TENT5C: variants seen among roughly 807,000 people sequenced by gnomAD.
The protein encoded by TENT5C is family with sequence similarity 46 member C.
A neutral mutation model predicts 22.2 loss-of-function variants in TENT5C; 5 were observed. The ratio of observed to expected loss-of-function variants is 0.22; its 90% CI spans 0.12 to 0.47. The LOEUF (loss-of-function observed/expected upper bound fraction) is 0.47. Ranked by LOEUF, TENT5C falls within the 20% of genes least tolerant of loss-of-function variation. TENT5C has a pLI of 0.99. For missense variants in TENT5C, 364 were observed against 500.9 expected (o/e 0.73, Z 2.61); for synonymous variants, 199 against 195.4 (o/e 1.02, Z -0.15).
At position 117,623,406 on chromosome 1, in the gene TENT5C, A is replaced by G. The variant is rs1431680747; in HGVS notation, c.538A>G (p.Ser180Gly). Residue 180 changes from serine to glycine, a missense_variant, in exon 2 of 2, where the codon AGT (serine) becomes GGT (glycine). By Grantham distance (56) the Ser-to-Gly change is moderately conservative (BLOSUM62 0). Transcript: ENST00000369448. ...CTCCATTCGGCGTCAGTTTGAGTTC[A>G]GTGTGGACTCTTTCCAAATCATCCT... is the stretch of plus-strand genomic sequence containing the variant. Reference protein sequence around the residue: ...VDSIRRQFEFSVDSFQIILDS... With the variant: ...VDSIRRQFEFGVDSFQIILDS... 1 of 1,614,056 alleles carries G rather than the reference A, an allele frequency of 6.2e-7. No homozygotes were observed. Among genetic ancestry groups the G allele is most frequent in the East Asian group, 2.2e-5 (1 of 44,888 alleles).
Position 117,624,649 on chromosome 1 carries a change from G to T in TENT5C, c.*605G>T. 4.0e-6 allele frequency: 1 copy of T among 248,382 alleles called. No individual in the cohort carries two copies. Among genetic ancestry groups the T allele is most frequent in the South Asian group, 1.8e-4 (1 of 5,542 alleles). The allele number at this position is 248,382 out of a possible 1,614,324, so 15.4% of individuals were successfully genotyped here. A position where few individuals can be genotyped will look rare whatever the true frequency, so the allele number is the denominator to read the frequency against. ...CAATAAACCAAAGCCAATAGCTGGA[G>T]AATTGAGATCTGGTTGAAAGTGGTT... On this transcript the variant is annotated 3_prime_UTR_variant, in exon 2 of 2. Coordinates refer to ENST00000369448, the MANE Select transcript of TENT5C (RefSeq NM_017709.4).
At chr1:117,612,166 GTCTCTT>G (rs1653682422) in intron 1 of TENT5C, among the ~76,000 whole-genome samples, 2 of 152,178 alleles carry the variant, frequency 1.3e-5, no homozygotes, top group Non-Finnish European at 2.9e-5. Context: ...AGGGATCTTT[GTCTCTT>G]TCTTCCCAGT....
rs2101080440 is a variant in TENT5C at position 117,623,879 on chromosome 1, C to T, written c.1011C>T (p.Ala337=). The T allele has an allele frequency of 6.2e-7, 1 of 1,614,188 alleles. No individual in the cohort carries two copies. Among genetic ancestry groups the T allele is most frequent in the Non-Finnish European group, 8.5e-7 (1 of 1,180,034 alleles). The change falls in exon 2 of 2, where the codon GCC becomes GCT. Residue 337 remains alanine, a synonymous_variant. Coordinates refer to ENST00000369448, the MANE Select transcript of TENT5C (RefSeq NM_017709.4). ...CTCTGAACCTCATCTCCCTCCTGGC[C>T]TTGCGTGTGCTGGCGGAACAAAACA... ...RQTLNLISLL[A]LRVLAEQNII...
At position 117,623,144 on chromosome 1, in the gene TENT5C, C is replaced by T; in HGVS notation, c.276C>T (p.Asp92=). ...ATGGCTTGGGCTGCAAAGACCTGGA[C>T]CTAATCTTCCATGTGGCTCTTCCAA... The part of the protein sequence containing the change: ...KDNGLGCKDL[D]LIFHVALPTE... Residue 92 remains aspartate, a synonymous_variant, in exon 2 of 2, where the codon GAC becomes GAT. Coordinates refer to ENST00000369448, the MANE Select transcript of TENT5C (RefSeq NM_017709.4). The T allele has an allele frequency of 6.2e-7, 1 of 1,614,172 alleles. No homozygotes were observed. Among genetic ancestry groups the T allele is most frequent in the Non-Finnish European group, 8.5e-7 (1 of 1,180,040 alleles).
intron 1 of TENT5C, among the ~76,000 whole-genome samples, chr1:117,614,579 CTG>C (rs1653741273): frequency 6.6e-6 from 1 of 152,198 alleles, no homozygotes; most frequent in South Asian, 2.1e-4. Flanking sequence ...AGCCATTTCT[CTG>C]TAGCTCCAGT....
At position 117,626,826 on chromosome 1, in the gene TENT5C, T is replaced by C. The variant is rs1016883302; in HGVS notation, c.*2782T>C. Reference sequence around the variant, plus strand: ...TGTTTCGGGACTCTGATTTGACTCTTTTTCTGATGCTTTCGGCATGTCTGC... The same window carrying C: ...TGTTTCGGGACTCTGATTTGACTCTCTTTCTGATGCTTTCGGCATGTCTGC... On this transcript the variant is annotated 3_prime_UTR_variant, in exon 2 of 2. Transcript: ENST00000369448. The C allele has an allele frequency of 4.0e-6, 1 of 247,080 alleles. No individual in the cohort carries two copies. Among genetic ancestry groups the C allele is most frequent in the Admixed American group, 5.7e-5 (1 of 17,682 alleles). 15.3% of individuals were successfully genotyped at this position (247,080 alleles called of 1,614,324 possible).
rs1654036909 is a variant in TENT5C at position 117,627,498 on chromosome 1, A to G, written c.*3454A>G. 1 of 247,982 alleles carries G rather than the reference A, an allele frequency of 4.0e-6. No individual in the cohort carries two copies. Among genetic ancestry groups the G allele is most frequent in the Admixed American group, 5.6e-5 (1 of 17,784 alleles). 15.4% of individuals were successfully genotyped at this position (247,982 alleles called of 1,614,324 possible). A position where few individuals can be genotyped will look rare whatever the true frequency, so the allele number is the denominator to read the frequency against. On this transcript the variant is annotated 3_prime_UTR_variant, in exon 2 of 2. Coordinates refer to ENST00000369448, the MANE Select transcript of TENT5C (RefSeq NM_017709.4). ...GGATACAGCTATATTCTTAGCTCAAATGTCCTCTTTTTGAGAGCAAAGTAG... is the reference window on the plus strand; with the variant it reads ...GGATACAGCTATATTCTTAGCTCAAGTGTCCTCTTTTTGAGAGCAAAGTAG...
intron 1 of TENT5C, among the ~76,000 whole-genome samples, chr1:117,607,426 G>A (rs3767805): frequency 0.052 from 7,913 of 152,290 alleles, 306 homozygotes; most frequent in East Asian, 0.17. Context: ...TGCACTTATA[G>A]TAAGAAAGCT....
chr1:117,618,529 G>A (rs938811823), intron 1 of TENT5C, among the ~76,000 whole-genome samples: 4 of 151,886 alleles, frequency 2.6e-5, no homozygotes, highest in Admixed American at 6.5e-5. Flanking sequence ...CATCTTGGAG[G>A]TGAAGCTTCC....
chr1:117,611,036 G>A (rs1032339114), intron 1 of TENT5C, among the ~76,000 whole-genome samples: 2 of 152,196 alleles, frequency 1.3e-5, no homozygotes, highest in Admixed American at 6.5e-5. Context: ...TATGAAGATA[G>A]AAGAGGTAAC....
intron 1 of TENT5C, among the ~76,000 whole-genome samples, chr1:117,610,963 T>C (rs531445427): frequency 1.3e-5 from 2 of 152,326 alleles, no homozygotes; most frequent in South Asian, 4.1e-4. Flanking sequence ...AAATTATCCA[T>C]GAAACTGCAA....
chr1:117,618,240 G>A (rs1187337246), intron 1 of TENT5C, among the ~76,000 whole-genome samples: 2 of 152,150 alleles, frequency 1.3e-5, no homozygotes, highest in Non-Finnish European at 2.9e-5. Context: ...TAAAGTTTTT[G>A]CAGCTGTAGC....
intron 1 of TENT5C, among the ~76,000 whole-genome samples, chr1:117,617,399 C>G (rs1653811294): frequency 6.8e-6 from 1 of 148,108 alleles, no homozygotes; most frequent in East Asian, 1.9e-4. Flanking sequence ...TTTTTTTTCC[C>G]TTCAGTGTGT....
rs1654041304 is a variant in TENT5C, at chr1:117,627,755, C to T, written c.*3711C>T. The T allele has an allele frequency of 8.1e-6, 2 of 247,286 alleles. No homozygotes were observed. The highest frequency in any genetic ancestry group is 1.8e-4 in the South Asian group (1 of 5,480). 15.3% of individuals were successfully genotyped at this position (247,286 alleles called of 1,614,324 possible). ...AGGACCAAGTCGTGGGGGAGGGGGG[C>T]GGTGTTGAGGAGAGGTATTTTTAAA... On this transcript the variant is annotated 3_prime_UTR_variant, in exon 2 of 2. Coordinates refer to ENST00000369448, the MANE Select transcript of TENT5C (RefSeq NM_017709.4).
rs138846269 is a variant in TENT5C, at chr1:117,625,704, A to G, written c.*1660A>G. 2.5e-4 allele frequency: 63 copies of G among 248,142 alleles called. No homozygotes were observed. The highest frequency in any genetic ancestry group is 4.7e-4 in the Non-Finnish European group (56 of 118,122). 15.4% of individuals were successfully genotyped at this position (248,142 alleles called of 1,614,324 possible). ...AAGCAGTGAAGTTATCCTAATGCAA[A>G]AGAGCTTAGTAGAAAATGAGTGGTT... On this transcript the variant is annotated 3_prime_UTR_variant, in exon 2 of 2. Transcript: ENST00000369448.
chr1:117,613,712 A>G (rs960644588), intron 1 of TENT5C, among the ~76,000 whole-genome samples: 2 of 152,228 alleles, frequency 1.3e-5, no homozygotes, highest in Non-Finnish European at 2.9e-5. Flanking sequence ...TCTAGTAAAC[A>G]TCATTGGTAA....
At position 117,625,330 on chromosome 1, in the gene TENT5C, A is replaced by G. The variant is rs1263568008; in HGVS notation, c.*1286A>G. 2 of 248,046 alleles carry G rather than the reference A, an allele frequency of 8.1e-6. No individual in the cohort carries two copies. 15.4% of individuals were successfully genotyped at this position (248,046 alleles called of 1,614,324 possible). A position where few individuals can be genotyped will look rare whatever the true frequency, so the allele number is the denominator to read the frequency against. Reference sequence around the variant, plus strand: ...TGAAATCATTCCAGTATATTTGGGAAGAATTGAGTGAATGAGAATGCTCTT... The same window carrying G: ...TGAAATCATTCCAGTATATTTGGGAGGAATTGAGTGAATGAGAATGCTCTT... On this transcript the variant is annotated 3_prime_UTR_variant, in exon 2 of 2. Coordinates refer to ENST00000369448, the MANE Select transcript of TENT5C (RefSeq NM_017709.4).
Position 117,623,513 on chromosome 1 carries a change from G to A in TENT5C, c.645G>A (p.Met215Ile). ...ACCCCACCGTGATTGGGGAGAGCAT[G>A]TACGGGGACTTTGAGGAAGCTTTTG... The part of the protein sequence containing the change: ...HFHPTVIGES[M>I]YGDFEEAFDH... Residue 215 changes from methionine to isoleucine, a missense_variant, in exon 2 of 2, where the codon ATG (methionine) becomes ATA (isoleucine). By Grantham distance (10) the Met-to-Ile change is conservative (BLOSUM62 1). This residue lies in a region of TENT5C where 303 missense variants were observed against 394.5 expected (regional missense o/e 0.77). Transcript: ENST00000369448. 1 of 1,614,062 alleles carries A rather than the reference G, an allele frequency of 6.2e-7. No homozygotes were observed. The highest frequency in any genetic ancestry group is 8.5e-7 in the Non-Finnish European group (1 of 1,180,016).
At chr1:117,611,453 C>T (rs1653669908) in intron 1 of TENT5C, among the ~76,000 whole-genome samples, 1 of 152,210 alleles carries the variant, frequency 6.6e-6, no homozygotes, top group Non-Finnish European at 1.5e-5. Context: ...TCAGCTTCTT[C>T]ATTATAATAA....
Sources: gnomAD v4.1 joint callset for allele counts (sites outside exome capture counted in the v4.1 genomes callset) on GRCh38, gnomAD v4.1.1 for gene constraint, gnomAD v4.1.1 regional missense constraint, MANE v1.5 for transcripts, NCBI Gene and HGNC (gene_info 2026-07-23, HGNC 2026-07-21) for gene names.